Variants in C3orf52 observed in about 807,000 individuals in gnomAD.
C3orf52 encodes chromosome 3 open reading frame 52.
In C3orf52, 22 loss-of-function variants were observed where a neutral mutation model predicts 24.8. The ratio of observed to expected loss-of-function variants is 0.89; its 90% CI spans 0.63 to 1.27. The LOEUF (loss-of-function observed/expected upper bound fraction) is 1.27. Ranked by LOEUF, C3orf52 falls within the 50% of genes most tolerant of loss-of-function variation. The pLI is 0.00. For missense variants in C3orf52, 265 were observed against 260.7 expected, an observed-to-expected ratio of 1.02 and a Z score of -0.11; for synonymous variants, 93 against 100.2, an observed-to-expected ratio of 0.93 and a Z score of 0.43.
intron 2 of C3orf52, among the ~76,000 whole-genome samples, chr3:112,095,230 C>T (rs1457979833): frequency 2.0e-5 from 3 of 152,150 alleles, no homozygotes; most frequent in Admixed American, 6.5e-5. Context: ...GCACCTCCTC[C>T]GTCATGCTGA....
chr3:112,129,141 G>A (rs772371523), downstream of C3orf52: 4 of 152,254 alleles, frequency 2.6e-5, no homozygotes, highest in South Asian at 2.1e-4. Context: ...GCTTCAGACC[G>A]TTTGCTTACA....
intron 4 of C3orf52, among the ~76,000 whole-genome samples, chr3:112,124,857 G>A (rs2074277182): frequency 6.6e-6 from 1 of 152,114 alleles, no homozygotes; most frequent in Non-Finnish European, 1.5e-5. Flanking sequence ...TTGGCTTTGG[G>A]GAATTGTCAC....
chr3:112,092,055 G>T (rs922691000), intron 1 of C3orf52, among the ~76,000 whole-genome samples: 1 of 151,542 alleles, frequency 6.6e-6, no homozygotes, highest in Non-Finnish European at 1.5e-5. Context: ...AGGCCAGGTG[G>T]CCAGGTGTCG....
At chr3:112,088,194 G>T (rs1383864545) in intron 1 of C3orf52, among the ~76,000 whole-genome samples, 1 of 152,204 alleles carries the variant, frequency 6.6e-6, no homozygotes, top group Non-Finnish European at 1.5e-5. Flanking sequence ...AGGGCTACAG[G>T]AGTACTTGGA....
intron 4 of C3orf52, chr3:112,123,779 G>T: frequency 6.2e-7 from 1 of 1,603,498 alleles, no homozygotes; most frequent in Non-Finnish European, 8.5e-7. Flanking sequence ...TGTCCTGCTT[G>T]TCAAAGAAGA....
chr3:112,133,401 T>G (rs2074506021), downstream of C3orf52: 1 of 391,950 alleles, frequency 2.6e-6, no homozygotes, highest in Non-Finnish European at 4.6e-6. Context: ...GCTTCGAACC[T>G]CTGGGGAATC....
At position 112,117,210 on chromosome 3, in the gene C3orf52, T is replaced by G; in HGVS notation, c.*564T>G. 1.9e-6 allele frequency: 1 copy of G among 532,996 alleles called. No individual in the cohort carries two copies. Among genetic ancestry groups the G allele is most frequent in the Non-Finnish European group, 3.3e-6 (1 of 301,158 alleles). The allele number at this position is 532,996 out of a possible 1,614,324, so 33.0% of individuals were successfully genotyped here. Reference sequence around the variant, plus strand: ...TCCTCCTCCCCCCCACCATTCGATTTGATCTACCTCTAAGCCAGGCTGTGA... The same window carrying G: ...TCCTCCTCCCCCCCACCATTCGATTGGATCTACCTCTAAGCCAGGCTGTGA... On this transcript the variant is annotated 3_prime_UTR_variant, in exon 6 of 6. Transcript: ENST00000264848.
Position 112,117,048 on chromosome 3 carries a change from C to A in C3orf52, c.*402C>A. 3.5e-6 allele frequency: 3 copies of A among 863,438 alleles called. No homozygotes were observed. The highest frequency in any genetic ancestry group is 5.3e-6 in the Non-Finnish European group (3 of 570,508). The allele number at this position is 863,438 out of a possible 1,614,324, so 53.5% of individuals were successfully genotyped here. A position where few individuals can be genotyped will look rare whatever the true frequency, so the allele number is the denominator to read the frequency against. On this transcript the variant is annotated 3_prime_UTR_variant, in exon 6 of 6. Transcript: ENST00000264848. ...GCACTGCTATTCTTGAAGCACTCCA[C>A]CCACCTGGGCTACTTTTTCTTTAGT...
rs1418747693 is a variant in C3orf52, at chr3:112,116,852, T to C, written c.*206T>C. 2.0e-6 allele frequency: 3 copies of C among 1,537,478 alleles called. No individual in the cohort carries two copies. Among genetic ancestry groups the C allele is most frequent in the Non-Finnish European group, 2.6e-6 (3 of 1,146,900 alleles). ...GCTCCCGAGCACTGCTTCAGCTGGG[T>C]CCAGTCTTGACAAAGGCAGGAAGCC... On this transcript the variant is annotated 3_prime_UTR_variant, in exon 6 of 6. Transcript: ENST00000264848.
Position 112,116,649 on chromosome 3 carries a change from T to C in C3orf52, c.*3T>C. 1 of 1,576,550 alleles carries C rather than the reference T, an allele frequency of 6.3e-7. No individual in the cohort carries two copies. ...TCTGTGTTTTCTTTTTAGAATGAAG[T>C]GATGGAGGCTGGTCTCTGTCTGAAA... On this transcript the variant is annotated 3_prime_UTR_variant, in exon 6 of 6. Coordinates refer to ENST00000264848, the MANE Select transcript of C3orf52 (RefSeq NM_024616.3).
At chr3:112,128,358 CGTAA>C in exon 5 of C3orf52, 1 of 539,802 alleles carries the variant, frequency 1.9e-6, no homozygotes, top group Non-Finnish European at 3.4e-6. Context: ...ATGAAGAACA[CGTAA>C]GTGTTATCCC....
At chr3:112,096,158 C>T (rs1483799133) in intron 2 of C3orf52, among the ~76,000 whole-genome samples, 8 of 152,106 alleles carry the variant, frequency 5.3e-5, no homozygotes, top group African/African-American at 7.2e-5. Flanking sequence ...AGCTTGGAGG[C>T]GGAAGTGTTA....
intron 1 of C3orf52, among the ~76,000 whole-genome samples, chr3:112,091,132 A>G (rs2073873479): frequency 6.6e-6 from 1 of 152,230 alleles, no homozygotes; most frequent in South Asian, 2.1e-4. Context: ...TGTAAAGTGC[A>G]CTTGGGAAAT....
At chr3:112,120,682 C>G (rs926934603), downstream of C3orf52, among the ~76,000 whole-genome samples, 3 of 152,138 alleles carry the variant, frequency 2.0e-5, no homozygotes, top group Non-Finnish European at 2.9e-5. Flanking sequence ...GACAGGGACT[C>G]TTTCACTGAG....
At chr3:112,087,178 G>T (rs887974653) in intron 1 of C3orf52, among the ~76,000 whole-genome samples, 1 of 152,098 alleles carries the variant, frequency 6.6e-6, no homozygotes, top group Non-Finnish European at 1.5e-5. Context: ...CGGGTTAGGG[G>T]GTCGGCGCGG....
At chr3:112,105,496 T>C (rs915198747) in intron 3 of C3orf52, among the ~76,000 whole-genome samples, 2 of 152,124 alleles carry the variant, frequency 1.3e-5, no homozygotes, top group Admixed American at 6.5e-5. Context: ...GAAAAATTAT[T>C]TTTTTCTCTA....
At chr3:112,114,696 C>T (rs2074119153) in intron 5 of C3orf52, among the ~76,000 whole-genome samples, 1 of 152,000 alleles carries the variant, frequency 6.6e-6, no homozygotes, top group Non-Finnish European at 1.5e-5. Context: ...AAGAGTGAAA[C>T]TCCATTTCAA....
intron 3 of C3orf52, among the ~76,000 whole-genome samples, chr3:112,104,214 AC>A: frequency 6.6e-6 from 1 of 152,232 alleles, no homozygotes; most frequent in South Asian, 2.1e-4. Flanking sequence ...GGGATGAGAA[AC>A]CCAGGAGAAT....
At chr3:112,129,764 A>G (rs1409583343), downstream of C3orf52, 1 of 152,202 alleles carries the variant, frequency 6.6e-6, no homozygotes, top group African/African-American at 2.4e-5. Flanking sequence ...GTGTTAGAAA[A>G]TAACAACAGT....
Sources: allele counts gnomAD v4.1 joint callset (sites outside exome capture counted in the v4.1 genomes callset), GRCh38; gene constraint gnomAD v4.1.1; transcripts MANE v1.5; gene names NCBI Gene and HGNC (gene_info 2026-07-23, HGNC 2026-07-21).